The following ART3 variants were observed in gnomAD, a reference collection of about 807,000 sequenced individuals.
ART3 encodes ecto-ADP-ribosyltransferase 3.
ART3 carries 49 observed loss-of-function variants against 48.5 expected under a neutral mutation model. That is an observed-to-expected ratio of 1.01 (90% CI 0.80 to 1.28). The LOEUF is 1.28. Ranked by LOEUF, ART3 falls within the 50% of genes most tolerant of loss-of-function variation. The probability of loss-of-function intolerance (pLI) is 0.00; values close to 1 mark genes in which losing one functional copy is unlikely to be tolerated. For synonymous variants in ART3, 145 were observed against 157.2 expected, an observed-to-expected ratio of 0.92 and a Z score of 0.58; for missense variants, 438 against 454.3, an observed-to-expected ratio of 0.96 and a Z score of 0.33.
chr4:76,066,103 G>A (rs769465056), intron 1 of ART3, among the ~76,000 whole-genome samples: 10 of 152,200 alleles, frequency 6.6e-5, no homozygotes, highest in Non-Finnish European at 1.3e-4. Flanking sequence ...ACCCTAGAAA[G>A]CATTGATGTA....
At chr4:76,079,032 A>G (rs926970655) in intron 2 of ART3, among the ~76,000 whole-genome samples, 2 of 152,094 alleles carry the variant, frequency 1.3e-5, no homozygotes, top group African/African-American at 2.4e-5. Context: ...AGTGAGCCGA[A>G]ATAGTGCCAC....
intron 5 of ART3, chr4:76,099,349 C>G (rs1726754428): frequency 1.7e-5 from 4 of 242,278 alleles, no homozygotes; most frequent in Non-Finnish European, 2.4e-5. Context: ...ATAGCTCTTT[C>G]TTGTTTAGCA....
At chr4:76,035,295 C>G in intron 1 of ART3, 1 of 1,614,020 alleles carries the variant, frequency 6.2e-7, no homozygotes, top group South Asian at 1.1e-5. Flanking sequence ...ACTGCTTTTA[C>G]CCCAGGGCCT....
Position 76,034,431 on chromosome 4 carries a change from G to A in ART3, c.-10+23111G>A, listed in dbSNP as rs556025947. On this transcript the variant is annotated intron_variant, in intron 1 of 9. Transcript: ENST00000341029. ...TAGTTGTAAGCATCAAATCTAGAAG[G>A]TTCTCTAGCCTAGAAATGCATGAAT... The A allele has an allele frequency of 2.9e-5, 14 of 481,668 alleles. No individual in the cohort carries two copies. The East Asian group carries it at 4.5e-4, about 15-fold the overall frequency. 29.8% of individuals were successfully genotyped at this position (481,668 alleles called of 1,614,324 possible). A position where few individuals can be genotyped will look rare whatever the true frequency, so the allele number is the denominator to read the frequency against.
At chr4:76,093,792 T>G (rs962392727) in intron 3 of ART3, among the ~76,000 whole-genome samples, 54 of 152,202 alleles carry the variant, frequency 3.5e-4, no homozygotes, top group African/African-American at 1.3e-3. Context: ...CATCTCAGAA[T>G]TTTTATCTCT....
Position 76,043,244 on chromosome 4 carries a change from G to A in ART3, c.-10+31924G>A, listed in dbSNP as rs757324421. Among the ~76,000 whole-genome samples, 119 of 152,158 alleles carry A rather than the reference G, an allele frequency of 7.8e-4. 1 individual carries two copies. Among genetic ancestry groups the A allele is most frequent in the Non-Finnish European group, 9.9e-4 (67 of 67,952 alleles). ...CAGCTGGCTTCACGCAGTGGATCCC[G>A]CACCAGGGCTGCAGGTGGAGCTGCC... On this transcript the variant is annotated intron_variant, in intron 1 of 9. Coordinates refer to the ART3 transcript ENST00000341029.
intron 10 of ART3, 104 bp downstream of exon 10, chr4:76,104,733 C>G: frequency 7.3e-7 from 1 of 1,364,054 alleles, no homozygotes; most frequent in East Asian, 2.5e-5. Context: ...TGTCATCTAT[C>G]AAATGTAGCC....
chr4:76,051,622 A>G (rs961439224), intron 1 of ART3, among the ~76,000 whole-genome samples: 1 of 150,882 alleles, frequency 6.6e-6, no homozygotes. Flanking sequence ...TGACCGCAGT[A>G]TCTGCCTCCC....
intron 1 of ART3, chr4:76,022,563 T>C: frequency 6.8e-7 from 1 of 1,476,858 alleles, no homozygotes; most frequent in Non-Finnish European, 9.3e-7. Flanking sequence ...CTGCATGTTT[T>C]TGTTTGCTGT....
chr4:76,022,882 C>T, intron 1 of ART3: 2 of 1,540,878 alleles, frequency 1.3e-6, no homozygotes, highest in African/African-American at 2.7e-5. Context: ...TTAATGTAGA[C>T]TGGTGGTATT....
intron 1 of ART3, among the ~76,000 whole-genome samples, chr4:76,045,373 G>A (rs184142805): frequency 1.8e-4 from 28 of 152,080 alleles, no homozygotes; most frequent in East Asian, 1.2e-3. Context: ...TCTAAGAGGC[G>A]GTTGTCTGAT....
At chr4:76,044,397 C>T (rs1057055263) in intron 1 of ART3, among the ~76,000 whole-genome samples, 1 of 151,996 alleles carries the variant, frequency 6.6e-6, no homozygotes, top group Non-Finnish European at 1.5e-5. Flanking sequence ...TCACTGCTGC[C>T]AAAGAGTCTA....
At chr4:76,047,513 G>A (rs1735625920) in intron 1 of ART3, among the ~76,000 whole-genome samples, 1 of 151,984 alleles carries the variant, frequency 6.6e-6, no homozygotes, top group African/African-American at 2.4e-5. Flanking sequence ...CTCGGGGAAG[G>A]CAGAAGGATT....
At chr4:76,091,137 A>G (rs768198986) in intron 3 of ART3, among the ~76,000 whole-genome samples, 5 of 152,226 alleles carry the variant, frequency 3.3e-5, no homozygotes, top group South Asian at 4.1e-4. Context: ...TTACTTGTCT[A>G]TTCACCTGTT....
chr4:76,022,405 T>G, intron 1 of ART3: 2 of 1,613,618 alleles, frequency 1.2e-6, no homozygotes, highest in Non-Finnish European at 1.7e-6. Context: ...CTTGATGGCC[T>G]TCGATTCTGG....
At chr4:76,099,779 A>C (rs190760189) in intron 5 of ART3, among the ~76,000 whole-genome samples, 78 of 152,346 alleles carry the variant, frequency 5.1e-4, no homozygotes, top group Middle Eastern at 6.8e-3. Context: ...TTTGCACATA[A>C]GTTCCTTATC....
At chr4:76,023,503 ACG>A in intron 1 of ART3, 1 of 1,383,950 alleles carries the variant, frequency 7.2e-7, no homozygotes, top group Non-Finnish European at 1.0e-6. Context: ...GTCTCAGAAA[ACG>A]TGGGGCTAGT....
At chr4:76,050,954 C>A (rs4605687) in intron 1 of ART3, among the ~76,000 whole-genome samples, 1 of 151,982 alleles carries the variant, frequency 6.6e-6, no homozygotes, top group Admixed American at 6.5e-5. Flanking sequence ...GCTCCGAGTG[C>A]GGGGCCCGCC....
At chr4:76,022,312 C>T (rs1050675273) in intron 1 of ART3, 4 of 1,442,150 alleles carry the variant, frequency 2.8e-6, no homozygotes, top group Non-Finnish European at 2.9e-6. Context: ...TTTCTGACTC[C>T]CAAGATTGCC....
Sources: allele counts gnomAD v4.1 joint callset (sites outside exome capture counted in the v4.1 genomes callset), GRCh38; gene constraint gnomAD v4.1.1; transcripts MANE v1.5; gene names NCBI Gene and HGNC (gene_info 2026-07-23, HGNC 2026-07-21).